ERCC6L2: variants seen among roughly 807,000 people sequenced by gnomAD.
ERCC6L2 encodes the protein ERCC excision repair 6 like 2.
Under a neutral mutation model 132.0 loss-of-function variants are expected in ERCC6L2, and 77 were observed. That is an observed-to-expected ratio of 0.58 (90% CI 0.49 to 0.71). The LOEUF is 0.71. ERCC6L2 is among the 30% of genes least tolerant of loss of function. The pLI is 0.00. For synonymous variants in ERCC6L2, 583 were observed against 632.4 expected (o/e 0.92, Z 1.17); for missense variants, 1,542 against 1,837.6 (o/e 0.84, Z 2.94).
downstream of ERCC6L2, among the ~76,000 whole-genome samples, chr9:96,019,421 C>T (rs1834246378): frequency 6.6e-6 from 1 of 152,176 alleles, no homozygotes; most frequent in Non-Finnish European, 1.5e-5. Context: ...CCACTCCCTG[C>T]CCTCTCTTCC....
intron 19 of ERCC6L2, among the ~76,000 whole-genome samples, chr9:96,028,849 T>C (rs1834415871): frequency 6.6e-6 from 1 of 152,236 alleles, no homozygotes; most frequent in African/African-American, 2.4e-5. Context: ...CATTGTGTGA[T>C]ATATTCACAC....
At chr9:95,933,829 G>C (rs1183204814) in intron 11 of ERCC6L2, among the ~76,000 whole-genome samples, 1 of 120,960 alleles carries the variant, frequency 8.3e-6, no homozygotes, top group African/African-American at 3.3e-5. Context: ...GGACAAGACA[G>C]AGCAAGACTC....
At chr9:95,992,659 C>T (rs892058489) in intron 17 of ERCC6L2, among the ~76,000 whole-genome samples, 1 of 152,094 alleles carries the variant, frequency 6.6e-6, no homozygotes, top group Non-Finnish European at 1.5e-5. Flanking sequence ...ATTTGTGGTA[C>T]GTGCTTGAAA....
intron 3 of ERCC6L2, chr9:95,906,784 A>C: frequency 2.1e-6 from 1 of 481,396 alleles, no homozygotes; most frequent in East Asian, 5.4e-5. Context: ...TCTTTTGGAA[A>C]GTTACTTCTC....
In ERCC6L2 at chr9:95,972,990, A is replaced by C. The variant is rs1403689801; in HGVS notation, c.3239A>C (p.Lys1080Thr). The change falls in exon 16 of 19, where the codon AAG (lysine) becomes ACG (threonine). Residue 1080 changes from lysine to threonine, a missense_variant. Transcript: ENST00000653738. Reference sequence around the variant, plus strand: ...TCTTCAAAATTGCCTAGCCATAATAAGAAAAATAGCACTTTTATTCCAAGA... The same window carrying C: ...TCTTCAAAATTGCCTAGCCATAATACGAAAAATAGCACTTTTATTCCAAGA... ...SFSSKLPSHN[K>T]KNSTFIPRKP... 1 of 1,352,016 alleles carries C rather than the reference A, an allele frequency of 7.4e-7. No homozygotes were observed. The highest frequency in any genetic ancestry group is 1.2e-5 in the South Asian group (1 of 85,124). 83.8% of individuals were successfully genotyped at this position (1,352,016 alleles called of 1,614,324 possible).
At chr9:95,890,121 T>C (rs777379306) in intron 2 of ERCC6L2, among the ~76,000 whole-genome samples, 8 of 152,230 alleles carry the variant, frequency 5.3e-5, no homozygotes, top group Non-Finnish European at 1.0e-4. Flanking sequence ...TTCATACTAC[T>C]GAATGATAGA....
chr9:95,928,247 TTC>T, intron 10 of ERCC6L2, 97 bp downstream of exon 10: 1 of 744,246 alleles, frequency 1.3e-6, no homozygotes, highest in South Asian at 1.9e-5. Context: ...CAGCCACATT[TTC>T]TCTTATCTAC....
chr9:95,946,058 T>C (rs958579834), intron 12 of ERCC6L2, among the ~76,000 whole-genome samples: 30 of 152,056 alleles, frequency 2.0e-4, no homozygotes, highest in African/African-American at 7.0e-4. Context: ...TGGATGGCAA[T>C]GCTAATATCA....
intron 17 of ERCC6L2, among the ~76,000 whole-genome samples, chr9:95,983,651 A>G (rs1299543402): frequency 6.6e-6 from 1 of 152,174 alleles, no homozygotes; most frequent in African/African-American, 2.4e-5. Context: ...GGAAACACCT[A>G]TTGCCTTGTC....
intron 11 of ERCC6L2, among the ~76,000 whole-genome samples, chr9:95,931,667 T>A (rs992359995): frequency 2.0e-5 from 3 of 152,204 alleles, no homozygotes; most frequent in Non-Finnish European, 4.4e-5. Context: ...TTCTGATAGA[T>A]GGTGTGGCTA....
intron 2 of ERCC6L2, among the ~76,000 whole-genome samples, chr9:95,887,005 TG>T (rs776766173): frequency 9.2e-5 from 14 of 152,354 alleles, no homozygotes; most frequent in Non-Finnish European, 1.9e-4. Flanking sequence ...TGGCTCTCCT[TG>T]CTCTTCAGCC....
intron 2 of ERCC6L2, among the ~76,000 whole-genome samples, chr9:95,891,167 C>T (rs1043320884): frequency 1.3e-5 from 2 of 152,114 alleles, no homozygotes; most frequent in Non-Finnish European, 2.9e-5. Flanking sequence ...GAGTCAAGAT[C>T]GCACCATTGC....
At chr9:95,881,686 G>A (rs1587835577) in intron 2 of ERCC6L2, among the ~76,000 whole-genome samples, 2 of 152,128 alleles carry the variant, frequency 1.3e-5, no homozygotes, top group Admixed American at 1.3e-4. Flanking sequence ...TGTGCATATT[G>A]TTCGAAGTTT....
At chr9:95,969,168 G>A (rs1832297724) in intron 14 of ERCC6L2, among the ~76,000 whole-genome samples, 1 of 152,164 alleles carries the variant, frequency 6.6e-6, no homozygotes, top group African/African-American at 2.4e-5. Context: ...AAGAGAGCAA[G>A]AGATGGAGCC....
At chr9:96,030,701 CAAA>C (rs35421948) in intron 19 of ERCC6L2, among the ~76,000 whole-genome samples, 9 of 79,952 alleles carry the variant, frequency 1.1e-4, no homozygotes, top group Non-Finnish European at 1.7e-4. Context: ...GACTCCATCT[CAAA>C]AAAAAAAAAA....
intron 2 of ERCC6L2, among the ~76,000 whole-genome samples, chr9:95,887,604 T>C (rs995230823): frequency 1.3e-5 from 2 of 152,186 alleles, no homozygotes; most frequent in African/African-American, 4.8e-5. Flanking sequence ...TTTTTGTTTC[T>C]ATATTATTAG....
At chr9:95,991,475 A>C (rs373860938) in intron 17 of ERCC6L2, among the ~76,000 whole-genome samples, 22 of 152,274 alleles carry the variant, frequency 1.4e-4, no homozygotes, top group African/African-American at 5.3e-4. Flanking sequence ...TCTTTTTTAT[A>C]GAACACCATT....
intron 7 of ERCC6L2, among the ~76,000 whole-genome samples, 170 bp downstream of exon 7, chr9:95,921,485 A>C (rs1829866707): frequency 1.3e-5 from 2 of 152,240 alleles, no homozygotes; most frequent in African/African-American, 4.8e-5. Context: ...TAGTAATCAC[A>C]TATAAAATAC....
At chr9:95,877,209 A>C (rs373524425) in intron 1 of ERCC6L2, 1 of 152,230 alleles carries the variant, frequency 6.6e-6, no homozygotes, top group East Asian at 1.9e-4. Flanking sequence ...AATCTTAACA[A>C]TTTAAGCAGT....
Sources: gnomAD v4.1 joint callset for allele counts (sites outside exome capture counted in the v4.1 genomes callset) on GRCh38, gnomAD v4.1.1 for gene constraint, MANE v1.5 for transcripts, NCBI Gene and HGNC (gene_info 2026-07-23, HGNC 2026-07-21) for gene names.